Variants in GLI2 observed in about 807,000 individuals in gnomAD.
The protein encoded by GLI2 is transcription activator GLI2.
A neutral mutation model predicts 78.9 loss-of-function variants in GLI2; 22 were observed. That is an observed-to-expected ratio of 0.28 (90% CI 0.20 to 0.40). The LOEUF (loss-of-function observed/expected upper bound fraction) is 0.40, where lower values mean the gene tolerates loss of function less well. GLI2 is among the 10% of genes least tolerant of loss of function. The pLI is 1.00. For missense variants in GLI2, 2,097 were observed against 2,213.2 expected, an observed-to-expected ratio of 0.95 and a Z score of 1.05; for synonymous variants, 974 against 963.7, an observed-to-expected ratio of 1.01 and a Z score of -0.20.
In GLI2 at chr2:120,880,422, A is replaced by G. The variant is rs147049123; in HGVS notation, c.149-46939A>G. Reference sequence around the variant, plus strand: ...ACCGAAGTCCAGCCTCTGAGGTTTAATCCCATTGCCTGAAGTCCCCATCAC... The same window carrying G: ...ACCGAAGTCCAGCCTCTGAGGTTTAGTCCCATTGCCTGAAGTCCCCATCAC... On this transcript the variant is annotated intron_variant, in intron 2 of 13. Coordinates refer to ENST00000361492, the MANE Select transcript of GLI2 (RefSeq NM_001374353.1). Among the ~76,000 whole-genome samples the G allele has an allele frequency of 4.2e-3, 640 of 152,280 alleles. 3 individuals are homozygous for G. Among genetic ancestry groups the G allele is most frequent in the Admixed American group, 0.013 (196 of 15,290 alleles).
chr2:120,794,939 C>T (rs1684315333), intron 1 of GLI2, among the ~76,000 whole-genome samples: 1 of 152,208 alleles, frequency 6.6e-6, no homozygotes. Flanking sequence ...ACTGTGGAAA[C>T]TGGCCAGGCT....
rs1368066224 is a variant in GLI2 at position 120,990,967 on chromosome 2, C to T, written c.*292C>T. On this transcript the variant is annotated 3_prime_UTR_variant, in exon 14 of 14. Transcript: ENST00000361492. ...TGGTGCTTACAGGACCGCGCTGTTC[C>T]GGCTTCTTCACGGCTGACATTCGGC... 2.3e-5 allele frequency: 9 copies of T among 390,986 alleles called. No individual in the cohort carries two copies. Among genetic ancestry groups the T allele is most frequent in the East Asian group, 4.3e-5 (1 of 23,420 alleles). The allele number at this position is 390,986 out of a possible 1,614,324, so 24.2% of individuals were successfully genotyped here.
At chr2:120,919,074 G>C (rs1467480570) in intron 2 of GLI2, among the ~76,000 whole-genome samples, 1 of 152,172 alleles carries the variant, frequency 6.6e-6, no homozygotes, top group Non-Finnish European at 1.5e-5. Flanking sequence ...TTTTGCCAAA[G>C]ATATTGGTGT....
intron 2 of GLI2, among the ~76,000 whole-genome samples, chr2:120,849,367 C>G (rs887703419): frequency 6.6e-6 from 1 of 152,084 alleles, no homozygotes; most frequent in Non-Finnish European, 1.5e-5. Flanking sequence ...AAATGGGTGT[C>G]GTTGATTCCT....
At chr2:120,821,790 T>G (rs1218849334) in intron 2 of GLI2, among the ~76,000 whole-genome samples, 2 of 152,204 alleles carry the variant, frequency 1.3e-5, no homozygotes, top group Non-Finnish European at 2.9e-5. Context: ...CAGAGGCAGG[T>G]GCAACCCCAT....
intron 13 of GLI2, 138 bp downstream of exon 13, chr2:120,986,752 CTG>C (rs1683000156): frequency 1.4e-6 from 1 of 697,668 alleles, no homozygotes; most frequent in Non-Finnish European, 2.4e-6. Context: ...GAAAAGGAAA[CTG>C]AGGCTCAGAG....
In GLI2 at chr2:120,970,448, A is replaced by G. The variant is rs746947997; in HGVS notation, c.901A>G (p.Ser301Gly). 1.2e-6 allele frequency: 2 copies of G among 1,613,470 alleles called. No homozygotes were observed. The highest frequency in any genetic ancestry group is 2.7e-5 in the African/African-American group (2 of 74,698). ...INPVAYQQIL[S>G]QQRGLGSAFG... is the part of the protein sequence containing the mutation. ...CCCCGTGGCCTACCAGCAGATTCTG[A>G]GCCAGCAGAGGGGTCTGGGGTCAGC... Residue 301 changes from serine (S) to glycine (G), a missense_variant, in exon 7 of 14, where the codon AGC becomes GGC. Transcript: ENST00000361492.
chr2:120,824,329 G>A (rs1054662949), intron 2 of GLI2, among the ~76,000 whole-genome samples: 1 of 152,236 alleles, frequency 6.6e-6, no homozygotes, highest in Admixed American at 6.5e-5. Context: ...TTACGAGTTT[G>A]CCCCTTGGCC....
intron 7 of GLI2, among the ~76,000 whole-genome samples, 154 bp from the exon 8 acceptor site, chr2:120,971,787 C>T (rs1682187736): frequency 6.6e-6 from 1 of 152,198 alleles, no homozygotes; most frequent in Non-Finnish European, 1.5e-5. Context: ...GTGCCCCTGG[C>T]AGGACTGAGC....
intron 1 of GLI2, among the ~76,000 whole-genome samples, chr2:120,788,058 G>A (rs769019490): frequency 2.6e-5 from 4 of 152,158 alleles, no homozygotes; most frequent in Non-Finnish European, 4.4e-5. Flanking sequence ...GGATGATAAG[G>A]CCAGGCCTGT....
At chr2:120,849,982 T>G (rs1284868617) in intron 2 of GLI2, among the ~76,000 whole-genome samples, 1 of 152,128 alleles carries the variant, frequency 6.6e-6, no homozygotes, top group East Asian at 1.9e-4. Context: ...AAGGGATACA[T>G]GACATTTCAT....
chr2:120,807,429 A>G (rs1685013039), intron 2 of GLI2, among the ~76,000 whole-genome samples: 2 of 152,162 alleles, frequency 1.3e-5, no homozygotes, highest in South Asian at 2.1e-4. Flanking sequence ...TGTTAGTATT[A>G]TGGTTCTTGC....
chr2:120,837,538 C>A lies in GLI2; in HGVS notation c.148+40070C>A, dbSNP rs371979201. Among the ~76,000 whole-genome samples the A allele has an allele frequency of 2.6e-5, 4 of 151,618 alleles. No homozygotes were observed. The East Asian group carries it at 5.8e-4, about 22-fold the overall frequency. ...TTTTAACACAGTCGAGTGTATGATT[C>A]TTTTCCTCTGTGGCTTGTGTTTGTA... On this transcript the variant is annotated intron_variant, in intron 2 of 13. Coordinates refer to ENST00000361492, the MANE Select transcript of GLI2 (RefSeq NM_001374353.1).
At chr2:120,770,191 G>GC (rs1387602586) in intron 1 of GLI2, among the ~76,000 whole-genome samples, 1 of 152,156 alleles carries the variant, frequency 6.6e-6, no homozygotes, top group Non-Finnish European at 1.5e-5. Context: ...CCAGCACCCA[G>GC]CTCCAAACAC....
chr2:120,745,576 G>C (rs1413796778), intron 1 of GLI2, among the ~76,000 whole-genome samples: 1 of 152,168 alleles, frequency 6.6e-6, no homozygotes, highest in Non-Finnish European at 1.5e-5. Context: ...CTACTGTCCT[G>C]CAGGCCTTGG....
intron 2 of GLI2, among the ~76,000 whole-genome samples, chr2:120,901,647 A>C (rs1380368198): frequency 6.6e-6 from 1 of 152,222 alleles, no homozygotes; most frequent in African/African-American, 2.4e-5. Flanking sequence ...TTGTGATAGA[A>C]TCCTTGCAAT....
chr2:120,831,836 G>C (rs1686374687), intron 2 of GLI2, among the ~76,000 whole-genome samples: 2 of 152,208 alleles, frequency 1.3e-5, no homozygotes, highest in African/African-American at 4.8e-5. Context: ...GTGAGGTCAT[G>C]CTCACAAAGT....
At chr2:120,755,201 ATTT>A (rs1683004864) in intron 1 of GLI2, among the ~76,000 whole-genome samples, 1 of 152,222 alleles carries the variant, frequency 6.6e-6, no homozygotes, top group South Asian at 2.1e-4. Context: ...CAGCTGTACC[ATTT>A]TATATTCCCA....
intron 2 of GLI2, among the ~76,000 whole-genome samples, chr2:120,856,959 G>A (rs1687673245): frequency 6.6e-6 from 1 of 152,136 alleles, no homozygotes; most frequent in Non-Finnish European, 1.5e-5. Context: ...GAGCTGCCTG[G>A]GCAGGCAGAA....
Sources: allele counts gnomAD v4.1 joint callset (sites outside exome capture counted in the v4.1 genomes callset), GRCh38; gene constraint gnomAD v4.1.1; transcripts MANE v1.5; gene names NCBI Gene and HGNC (gene_info 2026-07-23, HGNC 2026-07-21).